The following TRANK1 variants were observed in gnomAD, a reference collection of about 807,000 sequenced individuals.
TRANK1 encodes the protein TPR and ankyrin repeat-containing protein 1.
In TRANK1, 198 loss-of-function variants were observed where a neutral mutation model predicts 266.0. The ratio of observed to expected loss-of-function variants is 0.74; its 90% CI spans 0.66 to 0.84. The LOEUF (loss-of-function observed/expected upper bound fraction) is 0.84, where lower values mean the gene tolerates loss of function less well. Among genes scored for constraint, TRANK1 ranks in the 40% least tolerant of loss-of-function variants. The pLI, the probability that TRANK1 is intolerant of heterozygous loss-of-function variation, is 0.00. For synonymous variants in TRANK1, 1,396 were observed against 1,384.1 expected, an observed-to-expected ratio of 1.01 and a Z score of -0.19; for missense variants, 3,326 against 3,634.6, an observed-to-expected ratio of 0.92 and a Z score of 2.18.
chr3:36,869,424 A>T (rs2079273612), intron 9 of TRANK1, among the ~76,000 whole-genome samples: 1 of 152,238 alleles, frequency 6.6e-6, no homozygotes, highest in Non-Finnish European at 1.5e-5. Flanking sequence ...TGGTCTGTAA[A>T]TTGGAATGTT....
chr3:36,839,669 G>A (rs923266609), intron 18 of TRANK1, among the ~76,000 whole-genome samples: 5 of 152,174 alleles, frequency 3.3e-5, no homozygotes, highest in Admixed American at 6.5e-5. Flanking sequence ...GGGTTCCCAC[G>A]CCTCTATTTC....
At chr3:36,921,617 G>T (rs2080214393) in intron 1 of TRANK1, among the ~76,000 whole-genome samples, 1 of 152,150 alleles carries the variant, frequency 6.6e-6, no homozygotes, top group African/African-American at 2.4e-5. Flanking sequence ...GCAACCACTG[G>T]CTCCCTGGTA....
At chr3:36,894,425 C>A (rs1284456308) in intron 5 of TRANK1, among the ~76,000 whole-genome samples, 1 of 152,242 alleles carries the variant, frequency 6.6e-6, no homozygotes, top group Non-Finnish European at 1.5e-5. Context: ...CCTTATAAAT[C>A]TCTTAGGCCA....
At chr3:36,913,469 T>A (rs2080082358) in intron 1 of TRANK1, among the ~76,000 whole-genome samples, 1 of 151,686 alleles carries the variant, frequency 6.6e-6, no homozygotes, top group Non-Finnish European at 1.5e-5. Flanking sequence ...TCCTCTCCTC[T>A]CCTCTCCTCT....
intron 22 of TRANK1, 86 bp from the exon 23 acceptor site, chr3:36,829,748 C>T (rs2078670757): frequency 7.2e-7 from 1 of 1,392,706 alleles, no homozygotes; most frequent in African/African-American, 1.4e-5. Context: ...GTCCCCACAT[C>T]CCAAGAGCTG....
chr3:36,936,922 T>C (rs2080433092), intron 1 of TRANK1, among the ~76,000 whole-genome samples: 1 of 151,970 alleles, frequency 6.6e-6, no homozygotes, highest in African/African-American at 2.4e-5. Context: ...GCCAACATGA[T>C]GAAATCCTGT....
At chr3:36,911,971 G>C (rs2080058866) in intron 1 of TRANK1, among the ~76,000 whole-genome samples, 1 of 152,190 alleles carries the variant, frequency 6.6e-6, no homozygotes, top group South Asian at 2.1e-4. Context: ...CAGATTAGCT[G>C]AGGTCAGGAG....
chr3:36,865,338 T>A (rs529356277), intron 9 of TRANK1, among the ~76,000 whole-genome samples: 5 of 152,188 alleles, frequency 3.3e-5, no homozygotes, highest in Non-Finnish European at 7.4e-5. Context: ...CTTCTTGTTT[T>A]AAGCCACGAA....
chr3:36,901,526 C>T (rs1186727804), intron 3 of TRANK1, among the ~76,000 whole-genome samples: 1 of 152,228 alleles, frequency 6.6e-6, no homozygotes, highest in Non-Finnish European at 1.5e-5. Context: ...GGCCTGTCCA[C>T]ATTTTTTGGA....
intron 1 of TRANK1, among the ~76,000 whole-genome samples, chr3:36,936,243 G>A (rs920967361): frequency 5.3e-5 from 8 of 152,156 alleles, no homozygotes; most frequent in East Asian, 1.9e-4. Flanking sequence ...CCAGCACTTC[G>A]GGAGGCCAAA....
chr3:36,903,338 C>T, intron 2 of TRANK1, 63 bp from the exon 3 acceptor site: 1 of 1,501,280 alleles, frequency 6.7e-7, no homozygotes, highest in Non-Finnish European at 8.9e-7. Context: ...CTGTGAAGTC[C>T]CCCCATTCGG....
intron 13 of TRANK1, among the ~76,000 whole-genome samples, chr3:36,854,059 A>T (rs762327168): frequency 6.6e-6 from 1 of 152,210 alleles, no homozygotes; most frequent in African/African-American, 2.4e-5. Context: ...CATTATCAAC[A>T]TGCAAAATTC....
intron 17 of TRANK1, 64 bp from the exon 18 acceptor site, chr3:36,842,774 T>C (rs544331178): frequency 7.9e-5 from 111 of 1,409,304 alleles, no homozygotes; most frequent in African/African-American, 6.7e-4. Flanking sequence ...ACTGTTGTTA[T>C]GGGCTGAGTT....
rs777645511 is a variant in TRANK1, at chr3:36,832,306, T to C, written c.7277A>G (p.Tyr2426Cys). The C allele has an allele frequency of 5.6e-6, 9 of 1,614,034 alleles. No homozygotes were observed. The Admixed American group carries it at 8.3e-5, about 15-fold the overall frequency. The stretch of plus-strand genomic sequence containing the variant: ...CATGAAACGGAAAAAGAGCCTCTTG[T>C]AGTCTTCTGGGTTCCTGTACACGTA... Reference protein sequence around the residue: ...QFYVYRNPEDYKRLFFRFMNV... With the variant: ...QFYVYRNPEDCKRLFFRFMNV... Residue 2426 changes from tyrosine to cysteine, a missense_variant, in exon 22 of 24, where the codon TAC (tyrosine) becomes TGC (cysteine). By Grantham distance (194) the Tyr-to-Cys change is radical. Coordinates refer to ENST00000645898, the MANE Select transcript of TRANK1 (RefSeq NM_001329998.2).
At chr3:36,930,151 G>A (rs1014566262) in intron 1 of TRANK1, among the ~76,000 whole-genome samples, 3 of 152,190 alleles carry the variant, frequency 2.0e-5, no homozygotes, top group Non-Finnish European at 1.5e-5. Context: ...TGGGATTATA[G>A]GCATGAACCA....
chr3:36,844,215 GTTTGTTTTTTGTTT>G (rs561296802), intron 17 of TRANK1, among the ~76,000 whole-genome samples: 2 of 151,954 alleles, frequency 1.3e-5, no homozygotes, highest in Non-Finnish European at 2.9e-5. Flanking sequence ...TGGTTTTTTA[GTTTGTTTTTTGTTT>G]TTTGTTTTTT....
intron 10 of TRANK1, among the ~76,000 whole-genome samples, chr3:36,862,786 A>G (rs976255545): frequency 5.3e-5 from 8 of 152,208 alleles, no homozygotes; most frequent in African/African-American, 1.9e-4. Context: ...TCTGAGATGG[A>G]AGCCAACTAG....
chr3:36,871,078 A>T (rs919102070), intron 9 of TRANK1, among the ~76,000 whole-genome samples: 3 of 151,908 alleles, frequency 2.0e-5, no homozygotes, highest in Non-Finnish European at 4.4e-5. Context: ...AAGAACTGAG[A>T]TTAAAATTAA....
chr3:36,911,359 C>T (rs1238740869), intron 1 of TRANK1, among the ~76,000 whole-genome samples: 1 of 152,160 alleles, frequency 6.6e-6, no homozygotes, highest in Non-Finnish European at 1.5e-5. Flanking sequence ...AATCACTCTA[C>T]GATGTACCCT....
Sources: allele counts gnomAD v4.1 joint callset (sites outside exome capture counted in the v4.1 genomes callset), GRCh38; gene constraint gnomAD v4.1.1; transcripts MANE v1.5; gene names NCBI Gene and HGNC (gene_info 2026-07-23, HGNC 2026-07-21).